The following ZDHHC24 variants were observed in gnomAD, a reference collection of about 807,000 sequenced individuals.
ZDHHC24 encodes probable palmitoyltransferase ZDHHC24.
A neutral mutation model predicts 23.2 loss-of-function variants in ZDHHC24; 17 were observed. The observed-to-expected ratio is 0.73, with a 90% CI of 0.50 to 1.10. ZDHHC24 has a LOEUF of 1.10. ZDHHC24 is among the 50% of genes least tolerant of loss of function. The probability of loss-of-function intolerance (pLI) is 0.00; values close to 1 mark genes in which losing one functional copy is unlikely to be tolerated. For missense variants in ZDHHC24, 366 were observed against 393.0 expected (o/e 0.93, Z 0.58); for synonymous variants, 186 against 194.5 (o/e 0.96, Z 0.36).
At chr11:66,527,206 T>TAA in intron 3 of ZDHHC24, 3 of 518,306 alleles carry the variant, frequency 5.8e-6, no homozygotes, top group Non-Finnish European at 1.0e-5. Flanking sequence ...TACTTCTTTC[T>TAA]CAAAAAAAAA....
downstream of ZDHHC24, chr11:66,521,060 G>C: frequency 1.7e-6 from 1 of 604,996 alleles, no homozygotes; most frequent in Non-Finnish European, 3.0e-6. Context: ...AGTCCTAGAA[G>C]TGGCATCGTT....
chr11:66,521,565 C>A, intron 4 of ZDHHC24: 1 of 638,724 alleles, frequency 1.6e-6, no homozygotes, highest in South Asian at 1.7e-5. Flanking sequence ...TAGGGGCTGG[C>A]ACAGTGAGAG....
chr11:66,545,966 G>A lies in ZDHHC24; in HGVS notation c.38C>T (p.Ala13Val). 3.5e-6 allele frequency: 5 copies of A among 1,426,080 alleles called. No individual in the cohort carries two copies. The highest frequency in any genetic ancestry group is 4.5e-6 in the Non-Finnish European group (5 of 1,104,250). 88.3% of individuals were successfully genotyped at this position (1,426,080 alleles called of 1,614,324 possible). A position where few individuals can be genotyped will look rare whatever the true frequency, so the allele number is the denominator to read the frequency against. The change falls in exon 1 of 3, where the codon GCG becomes GTG. Residue 13 changes from alanine to valine, a missense_variant. Ala to Val is a moderately conservative substitution (Grantham distance 64, BLOSUM62 0). Coordinates refer to ENST00000310442, the MANE Select transcript of ZDHHC24 (RefSeq NM_207340.3). The surrounding 1 kb of genome is among the most constrained non-coding windows in gnomAD (Gnocchi z 4.5). Reference sequence around the variant, plus strand: ...GAGCACGAGAGGCAGCTGCGCGGGCGCCCCGTCCGTGCTCCCAGCCGCCCA... The same window carrying A: ...GAGCACGAGAGGCAGCTGCGCGGGCACCCCGTCCGTGCTCCCAGCCGCCCA... ...QPWAAGSTDG[A>V]PAQLPLVLTA...
rs1038303200 is a variant in ZDHHC24 at position 66,537,896 on chromosome 11, C to T, written c.*1633G>A. The T allele has an allele frequency of 6.6e-6, 1 of 150,474 alleles. No individual in the cohort carries two copies. The highest frequency in any genetic ancestry group is 1.5e-5 in the Non-Finnish European group (1 of 67,474). 9.3% of individuals were successfully genotyped at this position (150,474 alleles called of 1,614,324 possible). On this transcript the variant is annotated 3_prime_UTR_variant, in exon 3 of 3. Transcript: ENST00000310442. ...TGAGCCGAGATCGTGCCACTGCACT[C>T]CAGCCTGGCAACAGAACAAGAGTCT... is the stretch of plus-strand genomic sequence containing the variant.
Position 66,521,265 on chromosome 11 carries a change from T to A in ZDHHC24, c.*223A>T, listed in dbSNP as rs2134784385. ...AATTGGAGTGTTTGCGCTTCTTGTT[T>A]GCAGATGAGCCTTCCCAGCGTCCCC... is the stretch of plus-strand genomic sequence containing the variant. On this transcript the variant is annotated 3_prime_UTR_variant, in exon 5 of 5. Coordinates refer to the ZDHHC24 transcript ENST00000526986. The A allele has an allele frequency of 6.2e-7, 1 of 1,613,004 alleles. No individual in the cohort carries two copies. Among genetic ancestry groups the A allele is most frequent in the Non-Finnish European group, 8.5e-7 (1 of 1,178,982 alleles).
downstream of ZDHHC24, chr11:66,532,032 G>A (rs760237505): frequency 4.2e-5 from 67 of 1,603,196 alleles, 1 homozygote; most frequent in South Asian, 5.8e-4. Flanking sequence ...GCTGGCGGCC[G>A]CCTGAGACCT....
chr11:66,522,405 T>C (rs992231244), intron 4 of ZDHHC24, among the ~76,000 whole-genome samples: 11 of 151,178 alleles, frequency 7.3e-5, no homozygotes, highest in Non-Finnish European at 1.5e-4. Context: ...TGGAGTGCAG[T>C]GGCACGATCT....
chr11:66,536,132 G>C lies in ZDHHC24; in HGVS notation c.*3397C>G, dbSNP rs1398554378. 6.6e-6 allele frequency: 1 copy of C among 152,332 alleles called. No individual in the cohort carries two copies. Among genetic ancestry groups the C allele is most frequent in the Non-Finnish European group, 1.5e-5 (1 of 68,136 alleles). 9.4% of individuals were successfully genotyped at this position (152,332 alleles called of 1,614,324 possible). On this transcript the variant is annotated 3_prime_UTR_variant, in exon 3 of 3. Transcript: ENST00000310442. Reference sequence around the variant, plus strand: ...GCAACGGAATGACTGAAACAGGACAGTGTCTCCCCCACCAGGAAGGGGCAA... The same window carrying C: ...GCAACGGAATGACTGAAACAGGACACTGTCTCCCCCACCAGGAAGGGGCAA...
chr11:66,544,196 C>T (rs1220413014), intron 1 of ZDHHC24, among the ~76,000 whole-genome samples: 1 of 152,162 alleles, frequency 6.6e-6, no homozygotes, highest in Non-Finnish European at 1.5e-5. Flanking sequence ...GCCCTAACAT[C>T]CCCAGTCCTG....
At chr11:66,521,520 C>G (rs1856215941) in intron 4 of ZDHHC24, 1 of 721,630 alleles carries the variant, frequency 1.4e-6, no homozygotes, top group Non-Finnish European at 2.5e-6. Flanking sequence ...GCTGAGCCCA[C>G]AAACACAGGG....
chr11:66,544,400 T>C (rs1028053638), intron 1 of ZDHHC24, among the ~76,000 whole-genome samples: 1 of 152,190 alleles, frequency 6.6e-6, no homozygotes, highest in African/African-American at 2.4e-5. Context: ...AAAACCCTCC[T>C]GTGGTTCTCC....
At chr11:66,531,058 G>T (rs1856759389), downstream of ZDHHC24, 1 of 1,613,846 alleles carries the variant, frequency 6.2e-7, no homozygotes, top group South Asian at 1.1e-5. Context: ...TAGATATGGA[G>T]TGGGAAAGGC....
rs1330124038 is a variant in ZDHHC24, at chr11:66,529,560, G to A, written c.560-72C>T. On this transcript the variant is annotated intron_variant, in intron 2 of 4. Coordinates refer to the ZDHHC24 transcript ENST00000526986. ...CAGGAGAACACCAGCCTCTAGGGCCGGACAGAGAAGCCAGTGAAGGAGCTA... is the reference window on the plus strand; with the variant it reads ...CAGGAGAACACCAGCCTCTAGGGCCAGACAGAGAAGCCAGTGAAGGAGCTA... 6 of 698,444 alleles carry A rather than the reference G, an allele frequency of 8.6e-6. No individual in the cohort carries two copies. The Admixed American group carries it at 1.0e-4, about 12-fold the overall frequency. 43.3% of individuals were successfully genotyped at this position (698,444 alleles called of 1,614,324 possible).
At chr11:66,543,554 G>T in intron 2 of ZDHHC24, 150 bp downstream of exon 2, 1 of 1,008,702 alleles carries the variant, frequency 9.9e-7, no homozygotes, top group Non-Finnish European at 1.4e-6. Context: ...TGCACCCCCG[G>T]GTGAATACCA....
At position 66,539,832 on chromosome 11, in the gene ZDHHC24, A is replaced by C; in HGVS notation, c.560-8T>G. 6.3e-7 allele frequency: 1 copy of C among 1,587,124 alleles called. No homozygotes were observed. Among genetic ancestry groups the C allele is most frequent in the Middle Eastern group, 2.0e-4 (1 of 5,092 alleles). On this transcript the variant is annotated splice_region_variant and splice_polypyrimidine_tract_variant and intron_variant, in intron 2 of 2. Coordinates refer to ENST00000310442, the MANE Select transcript of ZDHHC24 (RefSeq NM_207340.3). Reference sequence around the variant, plus strand: ...GTGCCAGAGACACTCTGCCTGCAATAAAAGAGCAGAGAGGGTCAGGGAGGG... The same window carrying C: ...GTGCCAGAGACACTCTGCCTGCAATCAAAGAGCAGAGAGGGTCAGGGAGGG...
intron 4 of ZDHHC24, chr11:66,526,912 C>T (rs771721513): frequency 7.5e-6 from 12 of 1,608,132 alleles, no homozygotes; most frequent in Middle Eastern, 1.7e-4. Flanking sequence ...GAGGAGATCT[C>T]GGCCAACTAG....
intron 2 of ZDHHC24, chr11:66,529,518 G>A (rs1856671976): frequency 2.8e-6 from 2 of 716,308 alleles, no homozygotes; most frequent in Admixed American, 4.0e-5. Context: ...GATGAGAAGA[G>A]GACCATGGAC....
At chr11:66,533,603 C>T (rs1015530096), downstream of ZDHHC24, 2 of 152,206 alleles carry the variant, frequency 1.3e-5, no homozygotes, top group East Asian at 1.9e-4. Context: ...CTTGTACTTT[C>T]TTTTTAATGG....
At position 66,529,864 on chromosome 11, in the gene ZDHHC24, G is replaced by T. The variant is rs769090687; in HGVS notation, c.560-376C>A. On this transcript the variant is annotated intron_variant, in intron 2 of 4. Transcript: ENST00000526986. ...ACAGACCTATACCTGCTGCGCCTAC[G>T]TGCTGCCCGCGCCTACCTGCAGGCC... The T allele has an allele frequency of 1.9e-6, 3 of 1,610,484 alleles. No individual in the cohort carries two copies. The highest frequency in any genetic ancestry group is 1.7e-6 in the Non-Finnish European group (2 of 1,179,966).
Sources: gnomAD v4.1 joint callset for allele counts (sites outside exome capture counted in the v4.1 genomes callset) on GRCh38, gnomAD v4.1.1 for gene constraint, Gnocchi (gnomAD v3.1) non-coding constraint, MANE v1.5 for transcripts, NCBI Gene and HGNC (gene_info 2026-07-23, HGNC 2026-07-21) for gene names.